MAN1C1: variants seen among roughly 807,000 people sequenced by gnomAD.
MAN1C1 encodes mannosidase alpha class 1C member 1.
A neutral mutation model predicts 71.5 loss-of-function variants in MAN1C1; 49 were observed. The observed-to-expected ratio is 0.69, with a 90% confidence interval of 0.54 to 0.87. The LOEUF (loss-of-function observed/expected upper bound fraction) is 0.87. Ranked by LOEUF, MAN1C1 falls within the 40% of genes least tolerant of loss-of-function variation. The pLI is 0.00. For missense variants in MAN1C1, 743 were observed against 835.0 expected, an observed-to-expected ratio of 0.89 and a Z score of 1.36; for synonymous variants, 352 against 343.7, an observed-to-expected ratio of 1.02 and a Z score of -0.27.
intron 1 of MAN1C1, among the ~76,000 whole-genome samples, chr1:25,678,092 C>T (rs2046095197): frequency 6.6e-6 from 1 of 152,116 alleles, no homozygotes; most frequent in Non-Finnish European, 1.5e-5. Flanking sequence ...TTCTATCAGA[C>T]ATAACCGCTG....
intron 2 of MAN1C1, among the ~76,000 whole-genome samples, chr1:25,742,164 C>T (rs1291723391): frequency 6.6e-6 from 1 of 152,164 alleles, no homozygotes; most frequent in African/African-American, 2.4e-5. Context: ...TGCCAAGATG[C>T]ACAGAGAAGA....
In MAN1C1 at chr1:25,624,812, C is replaced by T. The variant is rs542407596; in HGVS notation, c.540+6475C>T. The stretch of plus-strand genomic sequence containing the variant: ...AAACACAAATCATTCTTGCTGGCCT[C>T]GTGGTCGCCATAAAATCCACTGTGC... On this transcript the variant is annotated intron_variant, in intron 1 of 11. Coordinates refer to ENST00000374332, the MANE Select transcript of MAN1C1 (RefSeq NM_020379.4). Among the ~76,000 whole-genome samples the T allele has an allele frequency of 6.6e-5, 10 of 152,240 alleles. No individual in the cohort carries two copies. The South Asian group carries it at 1.5e-3, about 22-fold the overall frequency.
chr1:25,619,845 C>G (rs570665393), intron 1 of MAN1C1, among the ~76,000 whole-genome samples: 1 of 152,328 alleles, frequency 6.6e-6, no homozygotes, highest in South Asian at 2.1e-4. Context: ...TTTTGCCCCT[C>G]TCGACCTCCC....
rs568372970 is a variant in MAN1C1 at position 25,774,298 on chromosome 1, G to T, written c.1257+2526G>T. Among the ~76,000 whole-genome samples the T allele has an allele frequency of 9.4e-4, 143 of 152,302 alleles. 2 individuals carry two copies. The highest frequency in any genetic ancestry group is 6.8e-3 in the Middle Eastern group (2 of 294). ...GAGACAAAGAAGAAGAACAGGAAGA[G>T]CTTTGGTCACTTTGGCCTCCTCTGA... On this transcript the variant is annotated intron_variant, in intron 8 of 11. Transcript: ENST00000374332.
chr1:25,705,142 T>C (rs2046503180), intron 2 of MAN1C1, among the ~76,000 whole-genome samples: 1 of 152,198 alleles, frequency 6.6e-6, no homozygotes, highest in Admixed American at 6.5e-5. Flanking sequence ...TACATGCCCA[T>C]TATAGTGAAA....
intron 5 of MAN1C1, among the ~76,000 whole-genome samples, chr1:25,756,462 G>T (rs1306770317): frequency 2.0e-5 from 2 of 102,286 alleles, no homozygotes; most frequent in African/African-American, 5.3e-5. Context: ...GCCCATGTGG[G>T]GGAAAAGGAG....
At chr1:25,689,864 T>C (rs2046283409) in intron 2 of MAN1C1, among the ~76,000 whole-genome samples, 1 of 152,206 alleles carries the variant, frequency 6.6e-6, no homozygotes, top group African/African-American at 2.4e-5. Flanking sequence ...GGTGCTCGGC[T>C]TGGACACTGG....
chr1:25,744,823 C>T (rs2047107038), intron 2 of MAN1C1, among the ~76,000 whole-genome samples: 1 of 152,212 alleles, frequency 6.6e-6, no homozygotes. Flanking sequence ...GCAAAGCCCA[C>T]GCTGCAGACT....
intron 1 of MAN1C1, among the ~76,000 whole-genome samples, chr1:25,655,178 G>T (rs965544791): frequency 2.0e-5 from 3 of 152,106 alleles, no homozygotes; most frequent in African/African-American, 7.2e-5. Context: ...TTTATTTACC[G>T]TGTGATCTTG....
At chr1:25,663,335 C>T (rs2045877511) in intron 1 of MAN1C1, among the ~76,000 whole-genome samples, 1 of 151,980 alleles carries the variant, frequency 6.6e-6, no homozygotes, top group African/African-American at 2.4e-5. Flanking sequence ...TCCCCCTTAC[C>T]TGCAGGAGAT....
chr1:25,712,656 TTCAA>T (rs1387333843), intron 2 of MAN1C1, among the ~76,000 whole-genome samples: 1 of 152,186 alleles, frequency 6.6e-6, no homozygotes, highest in African/African-American at 2.4e-5. Flanking sequence ...AGGACAGCCA[TTCAA>T]ACCGCCTTTC....
At chr1:25,712,963 T>G (rs1287675089) in intron 2 of MAN1C1, among the ~76,000 whole-genome samples, 3 of 152,180 alleles carry the variant, frequency 2.0e-5, no homozygotes, top group Non-Finnish European at 4.4e-5. Flanking sequence ...GGGATTAAAC[T>G]CCCCACTGCC....
chr1:25,749,236 CCTT>C lies in MAN1C1; in HGVS notation c.754-15_754-13del, dbSNP rs1359426216. On this transcript the variant is annotated splice_polypyrimidine_tract_variant and intron_variant, in intron 3 of 11. Transcript: ENST00000374332. Reference sequence around the variant, plus strand: ...TTACAAGTGTCCCCACTGTCCCCCTCCTTCTTTCTGTCCTGCAGAGCGGAGAAG... The same window carrying C: ...TTACAAGTGTCCCCACTGTCCCCCTCCTTTCTGTCCTGCAGAGCGGAGAAG... 9 of 1,606,238 alleles carry C rather than the reference CCTT, an allele frequency of 5.6e-6. No homozygotes were observed. Among genetic ancestry groups the C allele is most frequent in the South Asian group, 2.2e-5 (2 of 89,538 alleles).
At chr1:25,633,880 G>C (rs75413485) in intron 1 of MAN1C1, among the ~76,000 whole-genome samples, 7,630 of 152,064 alleles carry the variant, frequency 0.05, 640 homozygotes, top group African/African-American at 0.17. Flanking sequence ...TCTGTTTTAT[G>C]CTTTCAAGAG....
At chr1:25,672,056 G>A (rs1256559352) in intron 1 of MAN1C1, among the ~76,000 whole-genome samples, 2 of 152,246 alleles carry the variant, frequency 1.3e-5, no homozygotes, top group Non-Finnish European at 2.9e-5. Flanking sequence ...CTGGGAACCA[G>A]GGAAGCCAGC....
intron 1 of MAN1C1, among the ~76,000 whole-genome samples, chr1:25,652,395 C>T (rs1268450760): frequency 6.6e-6 from 1 of 152,244 alleles, no homozygotes; most frequent in Non-Finnish European, 1.5e-5. Flanking sequence ...CAGTGGCGCT[C>T]TCCCGGGAAG....
chr1:25,778,674 A>C lies in MAN1C1; in HGVS notation c.1477+350A>C, dbSNP rs942491902. 6.6e-6 allele frequency among the ~76,000 whole-genome samples: 1 copy of C among 152,146 alleles called. No individual in the cohort carries two copies. The highest frequency in any genetic ancestry group is 1.5e-5 in the Non-Finnish European group (1 of 68,018). On this transcript the variant is annotated intron_variant, in intron 9 of 11. Coordinates refer to ENST00000374332, the MANE Select transcript of MAN1C1 (RefSeq NM_020379.4). This position sits in a 1 kb window ranked among gnomAD's most constrained non-coding sequence, Gnocchi z 5.5. The stretch of plus-strand genomic sequence containing the variant: ...TAAAGGATCCTCCAGCCCCGGAGGC[A>C]GAAACGGCGGCTTCCTGAGCCCGGC...
intron 1 of MAN1C1, among the ~76,000 whole-genome samples, chr1:25,669,115 G>C (rs2045962501): frequency 6.6e-6 from 1 of 152,210 alleles, no homozygotes; most frequent in African/African-American, 2.4e-5. Context: ...TGGGCCGTGG[G>C]TTCATTTGTG....
intron 2 of MAN1C1, among the ~76,000 whole-genome samples, chr1:25,719,997 T>C (rs1203681676): frequency 6.6e-6 from 1 of 152,122 alleles, no homozygotes; most frequent in East Asian, 1.9e-4. Context: ...TTGGCCAGGC[T>C]GATCTCAAAC....
Sources: gnomAD v4.1 joint callset for allele counts (sites outside exome capture counted in the v4.1 genomes callset) on GRCh38, gnomAD v4.1.1 for gene constraint, Gnocchi (gnomAD v3.1) non-coding constraint, MANE v1.5 for transcripts, NCBI Gene and HGNC (gene_info 2026-07-23, HGNC 2026-07-21) for gene names.